PARD3B: variants seen among roughly 807,000 people sequenced by gnomAD.
PARD3B encodes partitioning defective 3 homolog B.
PARD3B carries 103 observed loss-of-function variants against 130.2 expected under a neutral mutation model. The observed-to-expected ratio is 0.79, with a 90% CI of 0.67 to 0.93. The LOEUF (loss-of-function observed/expected upper bound fraction) is 0.93, where lower values mean the gene tolerates loss of function less well. Among genes scored for constraint, PARD3B ranks in the 40% least tolerant of loss-of-function variants. PARD3B has a pLI of 0.00. For missense variants in PARD3B, 1,609 were observed against 1,499.2 expected (o/e 1.07, Z -1.21); for synonymous variants, 583 against 553.2 (o/e 1.05, Z -0.76).
In PARD3B at chr2:205,619,598, G is replaced by C. The variant is rs2055537097; in HGVS notation, c.*3785G>C. The C allele has an allele frequency of 6.6e-6, 1 of 152,136 alleles. No individual in the cohort carries two copies. Among genetic ancestry groups the C allele is most frequent in the African/African-American group, 2.4e-5 (1 of 41,422 alleles). The allele number at this position is 152,136 out of a possible 1,614,324, so 9.4% of individuals were successfully genotyped here. A position where few individuals can be genotyped will look rare whatever the true frequency, so the allele number is the denominator to read the frequency against. On this transcript the variant is annotated 3_prime_UTR_variant, in exon 23 of 23. Transcript: ENST00000406610. ...TTAGCTGGAAACGATGCCACAGCGA[G>C]ACCAGAAAGAGGAGTCGCCTTAAGG...
intron 2 of PARD3B, among the ~76,000 whole-genome samples, chr2:204,839,752 A>G (rs1335279016): frequency 6.6e-6 from 1 of 152,106 alleles, no homozygotes. Context: ...TGAACTGGCA[A>G]CCAAATTCTT....
At chr2:204,952,157 T>C (rs1383571741) in intron 2 of PARD3B, among the ~76,000 whole-genome samples, 1 of 152,232 alleles carries the variant, frequency 6.6e-6, no homozygotes, top group South Asian at 2.1e-4. Context: ...GGACATATTA[T>C]ATGAAATTTC....
chr2:204,554,710 T>C (rs2030794817), intron 1 of PARD3B, among the ~76,000 whole-genome samples: 1 of 152,124 alleles, frequency 6.6e-6, no homozygotes. Context: ...AATTTAAAAT[T>C]ATAATCAGGT....
intron 15 of PARD3B, among the ~76,000 whole-genome samples, chr2:205,210,246 TA>T (rs2037555241): frequency 1.3e-5 from 2 of 151,780 alleles, no homozygotes; most frequent in South Asian, 2.1e-4. Flanking sequence ...AAAAATAAAA[TA>T]AAAAGAAAAT....
rs1333232820 is a variant in PARD3B at position 205,440,790 on chromosome 2, A to G, written c.3044+118A>G. ...TCAATTAAAACTGAAACGAGTCAGT[A>G]CCCTAGACAAGTGCCATCCTTTGAC... On this transcript the variant is annotated intron_variant, in intron 20 of 22. Coordinates refer to ENST00000406610, the MANE Select transcript of PARD3B (RefSeq NM_001302769.2). The surrounding 1 kb of genome is among the most constrained non-coding windows in gnomAD (Gnocchi z 4.2). 1.9e-6 allele frequency: 2 copies of G among 1,077,206 alleles called. No homozygotes were observed. Among genetic ancestry groups the G allele is most frequent in the African/African-American group, 3.2e-5 (2 of 62,544 alleles). The allele number at this position is 1,077,206 out of a possible 1,614,324, so 66.7% of individuals were successfully genotyped here. A position where few individuals can be genotyped will look rare whatever the true frequency, so the allele number is the denominator to read the frequency against.
intron 15 of PARD3B, among the ~76,000 whole-genome samples, chr2:205,223,885 G>T (rs900217422): frequency 3.9e-5 from 6 of 152,104 alleles, no homozygotes; most frequent in African/African-American, 1.4e-4. Flanking sequence ...AGTAAATGGG[G>T]TGTCCATCAC....
At chr2:205,478,138 A>T (rs1051621250) in intron 20 of PARD3B, among the ~76,000 whole-genome samples, 1 of 152,208 alleles carries the variant, frequency 6.6e-6, no homozygotes, top group Non-Finnish European at 1.5e-5. Context: ...TTCACGTGCA[A>T]TGAATGGTGT....
intron 22 of PARD3B, among the ~76,000 whole-genome samples, chr2:205,570,538 G>A (rs2053524855): frequency 2.0e-5 from 3 of 152,166 alleles, no homozygotes; most frequent in African/African-American, 7.2e-5. Flanking sequence ...CTAACTTTCA[G>A]CTCCACACAG....
rs886102678 is a variant in PARD3B at position 205,525,699 on chromosome 2, C to A, written c.3180+25668C>A. 1.3e-5 allele frequency among the ~76,000 whole-genome samples: 2 copies of A among 152,132 alleles called. No individual in the cohort carries two copies. The highest frequency in any genetic ancestry group is 2.9e-5 in the Non-Finnish European group (2 of 68,022). On this transcript the variant is annotated intron_variant, in intron 21 of 22. Coordinates refer to ENST00000406610, the MANE Select transcript of PARD3B (RefSeq NM_001302769.2). The surrounding 1 kb of genome is among the most constrained non-coding windows in gnomAD (Gnocchi z 4.2). ...CAGTACACATGAGACCCAGCATTAT[C>A]GAAGGCTTATCCTTTCTCACACTGA...
At chr2:204,843,744 G>T (rs770490085) in intron 2 of PARD3B, among the ~76,000 whole-genome samples, 1 of 152,036 alleles carries the variant, frequency 6.6e-6, no homozygotes, top group South Asian at 2.1e-4. Flanking sequence ...CTGAATTTCT[G>T]CCTTTGTCTG....
At chr2:205,089,816 G>T (rs556637862) in intron 4 of PARD3B, among the ~76,000 whole-genome samples, 1 of 152,104 alleles carries the variant, frequency 6.6e-6, no homozygotes, top group East Asian at 1.9e-4. Context: ...TGAAAACCAG[G>T]TTTTTTTCTT....
intron 15 of PARD3B, among the ~76,000 whole-genome samples, chr2:205,239,644 A>G (rs1316060269): frequency 6.6e-6 from 1 of 152,238 alleles, no homozygotes; most frequent in Non-Finnish European, 1.5e-5. Flanking sequence ...GTTCATAGAG[A>G]AAGAAAAGGA....
chr2:204,953,835 A>G (rs1690013066), intron 2 of PARD3B, among the ~76,000 whole-genome samples: 1 of 152,186 alleles, frequency 6.6e-6, no homozygotes, highest in African/African-American at 2.4e-5. Flanking sequence ...AACAAGTCAT[A>G]GTTTTATGTG....
At chr2:204,741,035 C>T (rs1033383698) in intron 2 of PARD3B, among the ~76,000 whole-genome samples, 1 of 152,030 alleles carries the variant, frequency 6.6e-6, no homozygotes, top group African/African-American at 2.4e-5. Flanking sequence ...AGATAAGTAG[C>T]ATTTTTATTT....
intron 2 of PARD3B, among the ~76,000 whole-genome samples, chr2:204,724,834 G>C (rs1235283504): frequency 6.6e-6 from 1 of 151,364 alleles, no homozygotes; most frequent in Non-Finnish European, 1.5e-5. Flanking sequence ...TCATCGAATA[G>C]TGGGGGGCGG....
intron 4 of PARD3B, among the ~76,000 whole-genome samples, chr2:205,081,187 C>T (rs1054399249): frequency 6.6e-6 from 1 of 151,962 alleles, no homozygotes; most frequent in Admixed American, 6.6e-5. Context: ...ATATATCTTT[C>T]CCTATTCCCA....
chr2:204,808,218 T>C (rs1346023343), intron 2 of PARD3B, among the ~76,000 whole-genome samples: 4 of 152,190 alleles, frequency 2.6e-5, no homozygotes, highest in Admixed American at 2.0e-4. Flanking sequence ...TTACTAGTTT[T>C]ATTTTTAAGT....
rs575506922 is a variant in PARD3B at position 205,142,715 on chromosome 2, T to C, written c.1435-16007T>C. 5.9e-5 allele frequency among the ~76,000 whole-genome samples: 9 copies of C among 151,894 alleles called. No individual in the cohort carries two copies. The highest frequency in any genetic ancestry group is 2.2e-4 in the African/African-American group (9 of 41,418). On this transcript the variant is annotated intron_variant, in intron 10 of 22. Transcript: ENST00000406610. The surrounding 1 kb of genome is among the most constrained non-coding windows in gnomAD (Gnocchi z 4.3). ...CAACATGGTGAAACCCCGTCTCTAC[T>C]AAAAATACAAAAATTAGCCAGGCGT...
intron 1 of PARD3B, among the ~76,000 whole-genome samples, chr2:204,572,438 C>T (rs1435866574): frequency 6.6e-6 from 1 of 152,144 alleles, no homozygotes; most frequent in Non-Finnish European, 1.5e-5. Context: ...GCAGCCCTCT[C>T]CCTACACCAG....
Sources: gnomAD v4.1 joint callset for allele counts (sites outside exome capture counted in the v4.1 genomes callset) on GRCh38, gnomAD v4.1.1 for gene constraint, Gnocchi (gnomAD v3.1) non-coding constraint, MANE v1.5 for transcripts, NCBI Gene and HGNC (gene_info 2026-07-23, HGNC 2026-07-21) for gene names.